The following HERC4 variants were observed in gnomAD, a reference collection of about 807,000 sequenced individuals.
HERC4 encodes probable E3 ubiquitin-protein ligase HERC4.
Under a neutral mutation model 124.3 loss-of-function variants are expected in HERC4, and 28 were observed. The ratio of observed to expected loss-of-function variants is 0.23; its 90% CI spans 0.17 to 0.31. The LOEUF (loss-of-function observed/expected upper bound fraction) is 0.31. Among genes scored for constraint, HERC4 ranks in the 10% least tolerant of loss-of-function variants. HERC4 has a pLI of 1.00. For synonymous variants in HERC4, 407 were observed against 421.5 expected (o/e 0.97, Z 0.42); for missense variants, 713 against 1,229.3 (o/e 0.58, Z 6.28).
At chr10:67,952,468 G>A (rs964955451) in intron 19 of HERC4, among the ~76,000 whole-genome samples, 8 of 152,034 alleles carry the variant, frequency 5.3e-5, no homozygotes, top group Admixed American at 4.6e-4. Context: ...ATTTTTAGTA[G>A]AGACAGGGTT....
chr10:68,002,741 G>C (rs1166722898), intron 9 of HERC4, among the ~76,000 whole-genome samples: 1 of 151,644 alleles, frequency 6.6e-6, no homozygotes, highest in East Asian at 1.9e-4. Context: ...TTGGACTACA[G>C]GTGTCTGCCA....
chr10:68,072,818 G>A (rs2041637056), intron 3 of HERC4, 65 bp downstream of exon 3: 16 of 1,123,960 alleles, frequency 1.4e-5, no homozygotes, highest in South Asian at 3.4e-5. Context: ...GAAATTATAC[G>A]ATGATTCAAA....
chr10:67,970,730 A>G (rs879100147), intron 15 of HERC4, among the ~76,000 whole-genome samples: 4 of 152,280 alleles, frequency 2.6e-5, no homozygotes, highest in Admixed American at 2.6e-4. Context: ...TGAACTTAAA[A>G]GTAAAAACAC....
chr10:68,065,644 G>A (rs2041263738), intron 3 of HERC4, among the ~76,000 whole-genome samples: 1 of 152,130 alleles, frequency 6.6e-6, no homozygotes, highest in Non-Finnish European at 1.5e-5. Flanking sequence ...AGTCTGAGGT[G>A]CGAGGATCAC....
chr10:68,045,042 A>G (rs2039950841), intron 3 of HERC4, among the ~76,000 whole-genome samples: 1 of 152,202 alleles, frequency 6.6e-6, no homozygotes, highest in African/African-American at 2.4e-5. Context: ...GGAAACAGGC[A>G]CGGTGTGCTG....
In HERC4 at chr10:67,992,105, C is replaced by T. The variant is rs1429495217; in HGVS notation, c.1271+94G>A. ...AGAGACAGGGTTTTGCCATGTTGCC[C>T]AGGCTGGTCTCCAATTCCTGGGCTC... On this transcript the variant is annotated intron_variant, in intron 11 of 24. Transcript: ENST00000373700. 4 of 1,193,400 alleles carry T rather than the reference C, an allele frequency of 3.4e-6. No homozygotes were observed. In the African/African-American group the frequency reaches 4.5e-5, roughly 14 times the overall value. The allele number at this position is 1,193,400 out of a possible 1,614,324, so 73.9% of individuals were successfully genotyped here.
chr10:68,032,014 A>G (rs2039233305), intron 7 of HERC4, among the ~76,000 whole-genome samples: 1 of 152,186 alleles, frequency 6.6e-6, no homozygotes, highest in South Asian at 2.1e-4. Flanking sequence ...AGCCTCCCAA[A>G]GTGCTGGGAT....
At chr10:67,987,042 T>C (rs544166078) in intron 15 of HERC4, among the ~76,000 whole-genome samples, 5 of 152,256 alleles carry the variant, frequency 3.3e-5, no homozygotes, top group Admixed American at 3.3e-4. Context: ...TCACATGAAC[T>C]ACAGACAAAG....
chr10:68,047,546 T>C (rs1440446110), intron 3 of HERC4, among the ~76,000 whole-genome samples: 1 of 152,100 alleles, frequency 6.6e-6, no homozygotes, highest in African/African-American at 2.4e-5. Flanking sequence ...AACAATCCTA[T>C]CTTAAAAACA....
At chr10:68,037,815 T>C (rs1277501702) in intron 5 of HERC4, among the ~76,000 whole-genome samples, 1 of 152,190 alleles carries the variant, frequency 6.6e-6, no homozygotes, top group Non-Finnish European at 1.5e-5. Flanking sequence ...AAATATACCG[T>C]GTTCTAGAAT....
chr10:67,929,504 T>C (rs2031540870), intron 23 of HERC4, among the ~76,000 whole-genome samples: 1 of 152,056 alleles, frequency 6.6e-6, no homozygotes, highest in Admixed American at 6.6e-5. Flanking sequence ...ATTCATCCAG[T>C]TGTTGCATGT....
chr10:68,062,701 A>G (rs1203309387), intron 3 of HERC4, among the ~76,000 whole-genome samples: 1 of 152,130 alleles, frequency 6.6e-6, no homozygotes, highest in Non-Finnish European at 1.5e-5. Flanking sequence ...CGGAGGTTGC[A>G]GTGAGCTGGG....
chr10:68,056,451 G>A (rs1167736508), intron 3 of HERC4, among the ~76,000 whole-genome samples: 1 of 152,192 alleles, frequency 6.6e-6, no homozygotes, highest in Non-Finnish European at 1.5e-5. Flanking sequence ...CCATCCAGGA[G>A]ATGACATGGT....
At chr10:68,030,098 G>A (rs1042566832) in intron 7 of HERC4, among the ~76,000 whole-genome samples, 12 of 151,954 alleles carry the variant, frequency 7.9e-5, no homozygotes, top group African/African-American at 2.9e-4. Flanking sequence ...AAATTGTAAG[G>A]CAAGGCACAT....
chr10:67,991,650 A>G (rs971067748), intron 11 of HERC4, among the ~76,000 whole-genome samples: 4 of 152,196 alleles, frequency 2.6e-5, no homozygotes, highest in Admixed American at 1.3e-4. Flanking sequence ...CCAAATACCA[A>G]CAAAAAACAA....
chr10:67,941,398 ATTAAG>A (rs2032878626), intron 19 of HERC4, among the ~76,000 whole-genome samples: 1 of 152,150 alleles, frequency 6.6e-6, no homozygotes, highest in African/African-American at 2.4e-5. Flanking sequence ...GTCATTCGAC[ATTAAG>A]TTAATAGGTG....
chr10:67,939,728 A>G, intron 20 of HERC4, 74 bp from the exon 21 acceptor site: 1 of 644,308 alleles, frequency 1.6e-6, no homozygotes, highest in Non-Finnish European at 2.6e-6. Context: ...ATGGATATAT[A>G]TATATATATA....
chr10:68,040,627 A>C, intron 4 of HERC4: 1 of 232,766 alleles, frequency 4.3e-6, no homozygotes, highest in Non-Finnish European at 7.1e-6. Context: ...GTGGTGGCTC[A>C]AGCCTGCAAT....
intron 23 of HERC4, among the ~76,000 whole-genome samples, chr10:67,927,962 A>G (rs1027794945): frequency 1.3e-5 from 2 of 152,190 alleles, no homozygotes; most frequent in African/African-American, 4.8e-5. Flanking sequence ...GAGGGGAGAC[A>G]GGATACGTGT....
Sources: gnomAD v4.1 joint callset for allele counts (sites outside exome capture counted in the v4.1 genomes callset) on GRCh38, gnomAD v4.1.1 for gene constraint, MANE v1.5 for transcripts, NCBI Gene and HGNC (gene_info 2026-07-23, HGNC 2026-07-21) for gene names.